Variants in SNX29 observed in about 807,000 individuals in gnomAD.
The protein encoded by SNX29 is sorting nexin-29.
In SNX29, 78 loss-of-function variants were observed where a neutral mutation model predicts 102.1. The ratio of observed to expected loss-of-function variants is 0.76; its 90% CI spans 0.64 to 0.92. The LOEUF is 0.92. SNX29 is among the 40% of genes least tolerant of loss of function. The pLI is 0.00. For synonymous variants in SNX29, 580 were observed against 414.5 expected (o/e 1.40, Z -4.85); for missense variants, 1,280 against 1,061.7 (o/e 1.21, Z -2.86).
At chr16:12,018,645 C>T (rs1278878714) in intron 3 of SNX29, among the ~76,000 whole-genome samples, 2 of 151,284 alleles carry the variant, frequency 1.3e-5, no homozygotes, top group Non-Finnish European at 2.9e-5. Flanking sequence ...AGTTCCTCTC[C>T]TCTAGTTTTG....
intron 20 of SNX29, among the ~76,000 whole-genome samples, chr16:12,533,670 C>T (rs986084046): frequency 6.6e-6 from 1 of 152,210 alleles, no homozygotes; most frequent in Non-Finnish European, 1.5e-5. Context: ...CATCAATAGG[C>T]ACCCCAAATT....
intron 19 of SNX29, among the ~76,000 whole-genome samples, chr16:12,493,013 G>A (rs1306024908): frequency 7.2e-5 from 11 of 152,146 alleles, no homozygotes; most frequent in African/African-American, 1.9e-4. Flanking sequence ...TTGGCAATGC[G>A]GGCTCTTTTT....
intron 15 of SNX29, among the ~76,000 whole-genome samples, chr16:12,353,764 G>A (rs942673043): frequency 6.6e-6 from 1 of 152,220 alleles, no homozygotes. Context: ...GGAGAAGGGG[G>A]ATTGGAGAGA....
In SNX29 at chr16:12,376,747, A is replaced by C. The variant is rs1227926062; in HGVS notation, c.1899+20468A>C. Among the ~76,000 whole-genome samples, 3 of 150,818 alleles carry C rather than the reference A, an allele frequency of 2.0e-5. No homozygotes were observed. In the East Asian group the frequency reaches 5.8e-4, roughly 29 times the overall value. On this transcript the variant is annotated intron_variant, in intron 16 of 20. Transcript: ENST00000566228. Reference sequence around the variant, plus strand: ...CCAAGACTCTGTCTCAAAAAAAAAAAAAAAAAAAAAAGAACAATTCTATGG... The same window carrying C: ...CCAAGACTCTGTCTCAAAAAAAAAACAAAAAAAAAAAGAACAATTCTATGG...
chr16:12,148,893 G>T (rs976831116), intron 13 of SNX29, among the ~76,000 whole-genome samples: 2 of 151,878 alleles, frequency 1.3e-5, no homozygotes, highest in Non-Finnish European at 2.9e-5. Flanking sequence ...GTAGAGACAG[G>T]GTTTCTCCAT....
At chr16:12,323,666 T>C (rs1014454289) in intron 15 of SNX29, among the ~76,000 whole-genome samples, 4 of 152,154 alleles carry the variant, frequency 2.6e-5, no homozygotes, top group African/African-American at 9.7e-5. Context: ...GAAAACCATC[T>C]TGGTTTCCGA....
In SNX29 at chr16:12,571,993, C is replaced by G. The variant is rs1210565087; in HGVS notation, c.*3364C>G. 11 of 1,062,272 alleles carry G rather than the reference C, an allele frequency of 1.0e-5. No homozygotes were observed. The highest frequency in any genetic ancestry group is 1.3e-5 in the Non-Finnish European group (11 of 877,442). 65.8% of individuals were successfully genotyped at this position (1,062,272 alleles called of 1,614,324 possible). On this transcript the variant is annotated 3_prime_UTR_variant, in exon 21 of 21. Transcript: ENST00000566228. ...TGGTAGCCATCTTCACATCCAGTCA[C>G]CAGTTGCATCTAGGGAGCTGCTGGC...
In SNX29 at chr16:12,572,431, T is replaced by TG. The variant is rs2079206631; in HGVS notation, c.*3803dup. ...CTCTGTGGCCCAGGCCGGCAGTGGC[T>TG]GCCTCTCTTGGTTCTGCATGGTACA... On this transcript the variant is annotated 3_prime_UTR_variant, in exon 21 of 21. Coordinates refer to ENST00000566228, the MANE Select transcript of SNX29 (RefSeq NM_032167.5). 1 of 1,063,266 alleles carries TG rather than the reference T, an allele frequency of 9.4e-7. No individual in the cohort carries two copies. The highest frequency in any genetic ancestry group is 1.1e-6 in the Non-Finnish European group (1 of 878,038). The allele number at this position is 1,063,266 out of a possible 1,614,324, so 65.9% of individuals were successfully genotyped here.
rs1436507131 is a variant in SNX29, at chr16:11,976,774, C to T, written c.-33C>T. The T allele has an allele frequency of 1.3e-5, 17 of 1,319,702 alleles. No homozygotes were observed. In the East Asian group the frequency reaches 4.1e-4, roughly 32 times the overall value. 81.7% of individuals were successfully genotyped at this position (1,319,702 alleles called of 1,614,324 possible). On this transcript the variant is annotated 5_prime_UTR_variant, in exon 1 of 21. Coordinates refer to ENST00000566228, the MANE Select transcript of SNX29 (RefSeq NM_032167.5). The stretch of plus-strand genomic sequence containing the variant: ...GCCGCAGAAGCGGCAGCGGCGGCGG[C>T]GCGGCGCAGGCACCGGCCCGGGGAG...
At chr16:12,306,579 G>A (rs991943219) in intron 15 of SNX29, among the ~76,000 whole-genome samples, 4 of 152,170 alleles carry the variant, frequency 2.6e-5, no homozygotes, top group South Asian at 2.1e-4. Context: ...CTTTGAATAC[G>A]TGTTTCGCTG....
chr16:12,403,455 C>G lies in SNX29; in HGVS notation c.1963C>G (p.Arg655Gly). ...QSLSDFEISN[R>G]ALINVWIPSV... is the part of the protein sequence containing the mutation. Reference sequence around the variant, plus strand: ...TCTCTTCCTTTTGGTTAGATCAAACCGGGCGCTGATCAACGTCTGGATCCC... The same window carrying G: ...TCTCTTCCTTTTGGTTAGATCAAACGGGGCGCTGATCAACGTCTGGATCCC... The change falls in exon 18 of 21, where the codon CGG (arginine) becomes GGG (glycine). Residue 655 changes from arginine (R) to glycine (G), a missense_variant. Coordinates refer to ENST00000566228, the MANE Select transcript of SNX29 (RefSeq NM_032167.5). The G allele has an allele frequency of 1.0e-5, 16 of 1,606,596 alleles. No individual in the cohort carries two copies. Among genetic ancestry groups the G allele is most frequent in the Non-Finnish European group, 1.4e-5 (16 of 1,176,404 alleles).
chr16:12,559,600 G>T (rs2078596508), intron 20 of SNX29, among the ~76,000 whole-genome samples: 1 of 151,884 alleles, frequency 6.6e-6, no homozygotes, highest in Admixed American at 6.6e-5. Flanking sequence ...AAAAGGTTGG[G>T]GACTGCTGCC....
rs549223046 is a variant in SNX29, at chr16:12,466,256, CCAAAA to C, written c.2038-11451_2038-11447del. Among the ~76,000 whole-genome samples, 3 of 152,156 alleles carry C rather than the reference CCAAAA, an allele frequency of 2.0e-5. No homozygotes were observed. The East Asian group carries it at 5.8e-4, about 29-fold the overall frequency. On this transcript the variant is annotated intron_variant, in intron 18 of 20. Coordinates refer to ENST00000566228, the MANE Select transcript of SNX29 (RefSeq NM_032167.5). ...CATATAGAAAACCTTAAAGATGCCACCAAAACAAAACAAAACCCACAACTGCCAGA... is the reference window on the plus strand; with the variant it reads ...CATATAGAAAACCTTAAAGATGCCACCAAAACAAAACCCACAACTGCCAGA...
At chr16:12,309,301 T>C (rs555149584) in intron 15 of SNX29, among the ~76,000 whole-genome samples, 4 of 152,286 alleles carry the variant, frequency 2.6e-5, no homozygotes, top group Non-Finnish European at 5.9e-5. Flanking sequence ...GATGCACAGA[T>C]AGGGGCTACC....
chr16:12,531,585 A>G (rs994780731), intron 20 of SNX29, among the ~76,000 whole-genome samples: 3 of 152,148 alleles, frequency 2.0e-5, no homozygotes, highest in African/African-American at 7.2e-5. Flanking sequence ...ATTCTCTGGG[A>G]TGAGGACGGT....
intron 13 of SNX29, among the ~76,000 whole-genome samples, chr16:12,185,724 G>C (rs1022520587): frequency 6.6e-6 from 1 of 152,216 alleles, no homozygotes; most frequent in Admixed American, 6.5e-5. Context: ...GAGCCAGATT[G>C]AGTTTTCAGC....
chr16:12,483,114 G>GTTTTTTTTTTTTGTTTTTTTTTTTTT (rs2088031887), intron 19 of SNX29, among the ~76,000 whole-genome samples: 1 of 66,196 alleles, frequency 1.5e-5, no homozygotes, highest in African/African-American at 6.1e-5. Flanking sequence ...AAGTTATTAA[G>GTTTTTTTTTTTTGTTTTTTTTTTTTT]TTTTTTTTTT....
chr16:12,283,407 C>T (rs2079496652), intron 15 of SNX29, among the ~76,000 whole-genome samples: 3 of 151,858 alleles, frequency 2.0e-5, no homozygotes, highest in African/African-American at 7.3e-5. Flanking sequence ...GCAAGCTCCA[C>T]CTCCTGGGTT....
chr16:12,194,667 C>T (rs114896190), intron 13 of SNX29, among the ~76,000 whole-genome samples: 8 of 150,044 alleles, frequency 5.3e-5, no homozygotes, highest in African/African-American at 2.0e-4. Context: ...GACTCTGTCA[C>T]CTAGGCTGGA....
Sources: gnomAD v4.1 joint callset for allele counts (sites outside exome capture counted in the v4.1 genomes callset) on GRCh38, gnomAD v4.1.1 for gene constraint, MANE v1.5 for transcripts, NCBI Gene and HGNC (gene_info 2026-07-23, HGNC 2026-07-21) for gene names.